Variants in ZSWIM6 observed in about 807,000 individuals in gnomAD.
ZSWIM6 encodes the protein zinc finger SWIM domain-containing protein 6.
In ZSWIM6, 9 loss-of-function variants were observed where a neutral mutation model predicts 113.2. The observed-to-expected ratio is 0.08, with a 90% confidence interval of 0.05 to 0.14. The LOEUF (loss-of-function observed/expected upper bound fraction) is 0.14, where lower values mean the gene tolerates loss of function less well. Among genes scored for constraint, ZSWIM6 ranks in the 10% least tolerant of loss-of-function variants. The pLI is 1.00. For synonymous variants in ZSWIM6, 611 were observed against 606.5 expected (o/e 1.01, Z -0.11); for missense variants, 1,162 against 1,552.2 (o/e 0.75, Z 4.22).
chr5:61,435,969 A>G lies in ZSWIM6; in HGVS notation c.677-36712A>G, dbSNP rs573256798. 2.6e-5 allele frequency among the ~76,000 whole-genome samples: 4 copies of G among 152,328 alleles called. No homozygotes were observed. The South Asian group carries it at 8.3e-4, about 32-fold the overall frequency. Reference sequence around the variant, plus strand: ...ATAATCCCAGCACTTTGGGAGGCCAAGGCGAGCGGATCACCTGAAGTCGGG... The same window carrying G: ...ATAATCCCAGCACTTTGGGAGGCCAGGGCGAGCGGATCACCTGAAGTCGGG... On this transcript the variant is annotated intron_variant, in intron 1 of 13. Coordinates refer to ENST00000252744, the MANE Select transcript of ZSWIM6 (RefSeq NM_020928.2).
intron 1 of ZSWIM6, among the ~76,000 whole-genome samples, chr5:61,400,024 A>AG (rs1394331628): frequency 1.6e-4 from 25 of 152,236 alleles, no homozygotes; most frequent in Admixed American, 3.3e-4. Context: ...AACCTTCCTG[A>AG]GGGGCATGGA....
chr5:61,415,789 G>C (rs1746240418), intron 1 of ZSWIM6, among the ~76,000 whole-genome samples: 1 of 152,116 alleles, frequency 6.6e-6, no homozygotes, highest in South Asian at 2.1e-4. Context: ...GCTCAAGTTA[G>C]TTAATGTATA....
At chr5:61,497,278 C>G (rs1748345656) in intron 4 of ZSWIM6, among the ~76,000 whole-genome samples, 1 of 152,042 alleles carries the variant, frequency 6.6e-6, no homozygotes, top group Non-Finnish European at 1.5e-5. Flanking sequence ...GTCCCCCTCC[C>G]CAAGATTTAC....
At chr5:61,333,009 G>GGGGGGGGGCCCC in intron 1 of ZSWIM6, 61 bp downstream of exon 1, 1 of 439,890 alleles carries the variant, frequency 2.3e-6, no homozygotes, top group Non-Finnish European at 3.2e-6. Flanking sequence ...TGGGGGGGGG[G>GGGGGGGGGCCCC]TGCCCGCCTT....
At chr5:61,479,170 CAAA>C in intron 2 of ZSWIM6, among the ~76,000 whole-genome samples, 1 of 115,770 alleles carries the variant, frequency 8.6e-6, no homozygotes. Context: ...GACTCTGTCT[CAAA>C]AAAAAAAAAA....
At chr5:61,527,490 G>A (rs775158514) in intron 7 of ZSWIM6, among the ~76,000 whole-genome samples, 2 of 152,136 alleles carry the variant, frequency 1.3e-5, no homozygotes, top group African/African-American at 2.4e-5. Context: ...AGTTACAGTT[G>A]AACCAAAGGA....
intron 1 of ZSWIM6, among the ~76,000 whole-genome samples, chr5:61,467,270 A>G (rs780421654): frequency 2.6e-4 from 39 of 152,248 alleles, no homozygotes; most frequent in Non-Finnish European, 4.6e-4. Context: ...TAAACTCACA[A>G]CATAATATAT....
At chr5:61,364,471 G>A (rs993025682) in intron 1 of ZSWIM6, among the ~76,000 whole-genome samples, 42 of 152,090 alleles carry the variant, frequency 2.8e-4, no homozygotes, top group African/African-American at 9.9e-4. Context: ...AATATTTTGT[G>A]ATGTGAAAAT....
intron 1 of ZSWIM6, among the ~76,000 whole-genome samples, chr5:61,460,571 AG>A (rs1747302636): frequency 6.6e-6 from 1 of 152,154 alleles, no homozygotes; most frequent in African/African-American, 2.4e-5. Flanking sequence ...ACATTGTATT[AG>A]ATATTATCTC....
intron 2 of ZSWIM6, among the ~76,000 whole-genome samples, chr5:61,488,402 T>C (rs950983311): frequency 3.9e-5 from 6 of 152,058 alleles, no homozygotes; most frequent in Non-Finnish European, 7.4e-5. Flanking sequence ...TTCTGTCTTC[T>C]GATTTTTTGG....
At chr5:61,444,278 C>G (rs1431987601) in intron 1 of ZSWIM6, among the ~76,000 whole-genome samples, 1 of 151,966 alleles carries the variant, frequency 6.6e-6, no homozygotes, top group South Asian at 2.1e-4. Context: ...GACATGAACT[C>G]ATCATAATTT....
chr5:61,488,375 T>C (rs997731314), intron 2 of ZSWIM6, among the ~76,000 whole-genome samples: 1 of 152,034 alleles, frequency 6.6e-6, no homozygotes, highest in African/African-American at 2.4e-5. Flanking sequence ...TAGCCTTGTG[T>C]AATGAGTTAG....
At chr5:61,386,150 T>C (rs751529613) in intron 1 of ZSWIM6, among the ~76,000 whole-genome samples, 2 of 152,252 alleles carry the variant, frequency 1.3e-5, no homozygotes, top group Non-Finnish European at 2.9e-5. Context: ...ACATTCCAAA[T>C]TGATGTTTCT....
intron 4 of ZSWIM6, among the ~76,000 whole-genome samples, chr5:61,496,916 G>T (rs762084956): frequency 6.6e-6 from 1 of 152,012 alleles, no homozygotes; most frequent in Non-Finnish European, 1.5e-5. Context: ...TGCTTCTCAT[G>T]TGCCACGAAT....
At chr5:61,336,747 ACT>A (rs1414219034) in intron 1 of ZSWIM6, among the ~76,000 whole-genome samples, 1 of 151,918 alleles carries the variant, frequency 6.6e-6, no homozygotes, top group Non-Finnish European at 1.5e-5. Context: ...ACAGACTGAG[ACT>A]CTGTCTCAAG....
rs1255718329 is a variant in ZSWIM6, at chr5:61,543,746, G to A, written c.3077G>A (p.Ser1026Asn). The change falls in exon 14 of 14, where the codon AGC becomes AAC. Residue 1026 changes from serine to asparagine, a missense_variant. This residue lies in a region of ZSWIM6 where 620 missense variants were observed against 804.6 expected (regional missense o/e 0.77). Transcript: ENST00000252744. The surrounding 1 kb of genome is among the most constrained non-coding windows in gnomAD (Gnocchi z 4.3). ...CTCGACGCTGCTACGACTGGCATGA[G>A]CTATACACAGCTCTTTACAATAGCA... ...IVLDAATTGM[S>N]YTQLFTIARY... 7.1e-6 allele frequency: 11 copies of A among 1,551,604 alleles called. No individual in the cohort carries two copies. Among genetic ancestry groups the A allele is most frequent in the African/African-American group, 1.4e-5 (1 of 73,028 alleles).
chr5:61,436,201 A>G (rs1746703020), intron 1 of ZSWIM6, among the ~76,000 whole-genome samples: 1 of 131,698 alleles, frequency 7.6e-6, no homozygotes, highest in South Asian at 2.3e-4. Context: ...GACTCTGTCT[A>G]AAAAAAAAAA....
In ZSWIM6 at chr5:61,350,923, C is replaced by T. The variant is rs146044703; in HGVS notation, c.676+17975C>T. Among the ~76,000 whole-genome samples the T allele has an allele frequency of 2.4e-3, 364 of 152,318 alleles. 4 individuals are homozygous for T. The highest frequency in any genetic ancestry group is 8.4e-3 in the African/African-American group (351 of 41,574). ...TACACAAAAGGGAAATAGATTGTTA[C>T]ACATCACTCCAGTTTTACCTAATTT... On this transcript the variant is annotated intron_variant, in intron 1 of 13. Transcript: ENST00000252744.
At chr5:61,374,470 T>A (rs1405063050) in intron 1 of ZSWIM6, among the ~76,000 whole-genome samples, 3 of 152,250 alleles carry the variant, frequency 2.0e-5, no homozygotes, top group African/African-American at 7.2e-5. Flanking sequence ...GGACCCATAC[T>A]AATGAAATAT....
Sources: gnomAD v4.1 joint callset for allele counts (sites outside exome capture counted in the v4.1 genomes callset) on GRCh38, gnomAD v4.1.1 for gene constraint, gnomAD v4.1.1 regional missense constraint, Gnocchi (gnomAD v3.1) non-coding constraint, MANE v1.5 for transcripts, NCBI Gene and HGNC (gene_info 2026-07-23, HGNC 2026-07-21) for gene names.